SUPT7L: variants seen among roughly 807,000 people sequenced by gnomAD.
SUPT7L encodes the protein STAGA complex 65 subunit gamma.
In SUPT7L, 15 loss-of-function variants were observed where a neutral mutation model predicts 35.7. That is an observed-to-expected ratio of 0.42 (90% CI 0.28 to 0.65). The LOEUF (loss-of-function observed/expected upper bound fraction) is 0.65. Among genes scored for constraint, SUPT7L ranks in the 30% least tolerant of loss-of-function variants. The pLI is 0.23. For synonymous variants in SUPT7L, 168 were observed against 186.2 expected (o/e 0.90, Z 0.79); for missense variants, 434 against 522.2 (o/e 0.83, Z 1.65).
rs1674868907 is a variant in SUPT7L at position 27,657,647 on chromosome 2, C to G, written c.442G>C (p.Glu148Gln). 6.2e-7 allele frequency: 1 copy of G among 1,613,218 alleles called. No individual in the cohort carries two copies. The highest frequency in any genetic ancestry group is 8.5e-7 in the Non-Finnish European group (1 of 1,179,344). ...TGCCGACAGGAGTGCCAGCTGAGTT[C>G]AGTCACAGGTTCCCCTTTCCCACTG... ...FYRGKGEPVT[E>Q]LSWHSCRQLL... Residue 148 changes from glutamate (E) to glutamine (Q), a missense_variant, in exon 4 of 6, where the codon GAA (glutamate) becomes CAA (glutamine). Coordinates refer to ENST00000337768, the MANE Select transcript of SUPT7L (RefSeq NM_014860.3). This position sits in a 1 kb window ranked among gnomAD's most constrained non-coding sequence, Gnocchi z 5.2.
the SUPT7L span, chr2:27,642,637 C>T: frequency 1.6e-6 from 1 of 638,100 alleles, no homozygotes. Flanking sequence ...AGTCTCGGCT[C>T]ACCACAACCT....
chr2:27,653,671 A>G lies in SUPT7L; in HGVS notation c.1059T>C (p.Asn353=), dbSNP rs1674661750. 1.9e-6 allele frequency: 3 copies of G among 1,614,052 alleles called. No homozygotes were observed. Among genetic ancestry groups the G allele is most frequent in the African/African-American group, 1.3e-5 (1 of 74,916 alleles). The change falls in exon 6 of 6, where the codon AAT becomes AAC. Residue 353 remains asparagine, a synonymous_variant. Transcript: ENST00000337768. ...KMEPQESEEG[N]VSGHGVLGSD... ...TGCCCAGCACACCATGCCCAGAGAC[A>G]TTGCCTTCTTCACTTTCTTGAGGCT...
chr2:27,647,232 C>T (rs1674280748), downstream of SUPT7L, among the ~76,000 whole-genome samples: 1 of 152,182 alleles, frequency 6.6e-6, no homozygotes, highest in African/African-American at 2.4e-5. Flanking sequence ...ACTATGTCCT[C>T]CCATGGCAGT....
At chr2:27,650,189 A>G, downstream of SUPT7L, 1 of 1,584,838 alleles carries the variant, frequency 6.3e-7, no homozygotes, top group Non-Finnish European at 8.7e-7. Flanking sequence ...CTGGAAGAGA[A>G]ACAATAAATA....
downstream of SUPT7L, chr2:27,647,737 A>G: frequency 1.4e-6 from 1 of 703,454 alleles, no homozygotes; most frequent in Non-Finnish European, 2.6e-6. Flanking sequence ...TATATGTATC[A>G]TGAGCACTTT....
chr2:27,654,631 A>G (rs1674706274), intron 5 of SUPT7L, among the ~76,000 whole-genome samples: 1 of 151,764 alleles, frequency 6.6e-6, no homozygotes, highest in African/African-American at 2.4e-5. Flanking sequence ...CAGTGGTGCA[A>G]TCTCGGCTCA....
Position 27,655,363 on chromosome 2 carries a change from A to T in SUPT7L, c.982+2T>A. 2 of 1,546,166 alleles carry T rather than the reference A, an allele frequency of 1.3e-6. No homozygotes were observed. Among genetic ancestry groups the T allele is most frequent in the Middle Eastern group, 1.7e-4 (1 of 5,758 alleles). On this transcript the variant is annotated splice_donor_variant, in intron 5 of 5. Transcript: ENST00000337768. LOFTEE classifies it high-confidence loss of function. ...CAAAGTGAGTAAGTTTATTTGTCTT[A>T]CTTGAAGCCTGTGGTGAAGCTTCAA...
intron 5 of SUPT7L, among the ~76,000 whole-genome samples, chr2:27,654,179 T>C (rs2148109784): frequency 6.6e-6 from 1 of 152,304 alleles, no homozygotes; most frequent in African/African-American, 2.4e-5. Flanking sequence ...TCTCTTGCAT[T>C]ATGAAAAGTT....
In SUPT7L at chr2:27,651,149, A is replaced by G. The variant is rs1251504070; in HGVS notation, c.*2336T>C. ...TTATAAACGTTTGCCCTGCCTCCACATTTTACAGTATCTTAAAACAGTACA... is the reference window on the plus strand; with the variant it reads ...TTATAAACGTTTGCCCTGCCTCCACGTTTTACAGTATCTTAAAACAGTACA... On this transcript the variant is annotated 3_prime_UTR_variant, in exon 6 of 6. Transcript: ENST00000337768. 1 of 152,326 alleles carries G rather than the reference A, an allele frequency of 6.6e-6. No individual in the cohort carries two copies. Among genetic ancestry groups the G allele is most frequent in the Non-Finnish European group, 1.5e-5 (1 of 68,032 alleles). The allele number at this position is 152,326 out of a possible 1,614,324, so 9.4% of individuals were successfully genotyped here.
the SUPT7L span, among the ~76,000 whole-genome samples, chr2:27,642,958 T>TACACACACAC: frequency 0.012 from 1,521 of 122,596 alleles, 23 homozygotes; most frequent in Non-Finnish European, 0.015. Context: ...TATATATATA[T>TACACACACAC]ACACACACAC....
chr2:27,656,334 G>C (rs1674803427), intron 4 of SUPT7L, among the ~76,000 whole-genome samples: 1 of 152,140 alleles, frequency 6.6e-6, no homozygotes, highest in Non-Finnish European at 1.5e-5. Context: ...GAAGAGATTA[G>C]ATATTTCTGG....
chr2:27,642,915 A>G, the SUPT7L span, among the ~76,000 whole-genome samples: 2 of 145,828 alleles, frequency 1.4e-5, no homozygotes, highest in East Asian at 2.2e-4. Context: ...GAGAGAGAGA[A>G]AGAGAAAAAG....
chr2:27,653,298 CTA>C lies in SUPT7L; in HGVS notation c.*185_*186del, dbSNP rs1352550080. 5 of 787,316 alleles carry C rather than the reference CTA, an allele frequency of 6.4e-6. No homozygotes were observed. Among genetic ancestry groups the C allele is most frequent in the Non-Finnish European group, 9.8e-6 (5 of 512,582 alleles). 48.8% of individuals were successfully genotyped at this position (787,316 alleles called of 1,614,324 possible). On this transcript the variant is annotated 3_prime_UTR_variant, in exon 6 of 6. Coordinates refer to ENST00000337768, the MANE Select transcript of SUPT7L (RefSeq NM_014860.3). ...TGAAGGGTGGCTTGGTTGTGGAAAA[CTA>C]TAAAAACTGGATGCAAAAGTAAAAT...
chr2:27,660,116 G>C (rs956046718), intron 3 of SUPT7L, among the ~76,000 whole-genome samples: 1 of 152,118 alleles, frequency 6.6e-6, no homozygotes, highest in Non-Finnish European at 1.5e-5. Context: ...TGATTCAGCA[G>C]GACTGGGTGA....
chr2:27,660,828 T>A (rs564994743), intron 3 of SUPT7L, among the ~76,000 whole-genome samples, 156 bp downstream of exon 3: 28 of 152,312 alleles, frequency 1.8e-4, no homozygotes, highest in Admixed American at 1.7e-3. Flanking sequence ...CATTCAAAAC[T>A]TAGATATCCC....
In SUPT7L at chr2:27,653,700, T is replaced by C; in HGVS notation, c.1030A>G (p.Met344Val). ...CCTTCTTCACTTTCTTGAGGCTCCA[T>C]TTTCACATGGGCCAGATTCCAAAGA... Reference protein sequence around the residue: ...SPLWNLAHVKMEPQESEEGNV... With the variant: ...SPLWNLAHVKVEPQESEEGNV... Residue 344 changes from methionine to valine, a missense_variant, in exon 6 of 6, where the codon ATG becomes GTG. By Grantham distance (21) the Met-to-Val change is conservative (BLOSUM62 1). Coordinates refer to ENST00000337768, the MANE Select transcript of SUPT7L (RefSeq NM_014860.3). The C allele has an allele frequency of 6.2e-7, 1 of 1,614,174 alleles. No individual in the cohort carries two copies.
At position 27,663,531 on chromosome 2, in the gene SUPT7L, G is replaced by T. The variant is rs959566278; in HGVS notation, c.-292C>A. On this transcript the variant is annotated 5_prime_UTR_variant, in exon 1 of 6. Transcript: ENST00000337768. ...ACTATTCACTGCTGCGTCGCAGAGC[G>T]GGCTGGGCGGCTGTCTGGACCTCGA... 5 of 539,690 alleles carry T rather than the reference G, an allele frequency of 9.3e-6. No homozygotes were observed. Among genetic ancestry groups the T allele is most frequent in the Non-Finnish European group, 1.7e-5 (5 of 300,492 alleles). The allele number at this position is 539,690 out of a possible 1,614,324, so 33.4% of individuals were successfully genotyped here.
rs1420767933 is a variant in SUPT7L, at chr2:27,655,349, A to C, written c.982+16T>G. 2.0e-6 allele frequency: 3 copies of C among 1,519,212 alleles called. No homozygotes were observed. Among genetic ancestry groups the C allele is most frequent in the East Asian group, 2.3e-5 (1 of 43,078 alleles). 94.1% of individuals were successfully genotyped at this position (1,519,212 alleles called of 1,614,324 possible). On this transcript the variant is annotated intron_variant, in intron 5 of 5. Coordinates refer to ENST00000337768, the MANE Select transcript of SUPT7L (RefSeq NM_014860.3). Reference sequence around the variant, plus strand: ...AGATCTCCCAGAATCAAAGTGAGTAAGTTTATTTGTCTTACTTGAAGCCTG... The same window carrying C: ...AGATCTCCCAGAATCAAAGTGAGTACGTTTATTTGTCTTACTTGAAGCCTG...
At chr2:27,645,599 G>A in the SUPT7L span, among the ~76,000 whole-genome samples, 2 of 151,866 alleles carry the variant, frequency 1.3e-5, no homozygotes, top group Non-Finnish European at 2.9e-5. Flanking sequence ...GTGTCTTTCA[G>A]GAGTGTTTCC....
Sources: gnomAD v4.1 joint callset for allele counts (sites outside exome capture counted in the v4.1 genomes callset) on GRCh38, gnomAD v4.1.1 for gene constraint, Gnocchi (gnomAD v3.1) non-coding constraint, MANE v1.5 for transcripts, NCBI Gene and HGNC (gene_info 2026-07-23, HGNC 2026-07-21) for gene names.